The following ASH1L variants were observed in gnomAD, a reference collection of about 807,000 sequenced individuals.
ASH1L encodes histone-lysine N-methyltransferase ASH1L.
A neutral mutation model predicts 269.0 loss-of-function variants in ASH1L; 23 were observed. The observed-to-expected ratio is 0.09, with a 90% CI of 0.06 to 0.12. The LOEUF is 0.12. Among genes scored for constraint, ASH1L ranks in the 10% least tolerant of loss-of-function variants. The pLI, the probability that ASH1L is intolerant of heterozygous loss-of-function variation, is 1.00. For missense variants in ASH1L, 2,912 were observed against 3,567.8 expected, an observed-to-expected ratio of 0.82 and a Z score of 4.68; for synonymous variants, 1,187 against 1,253.5, an observed-to-expected ratio of 0.95 and a Z score of 1.12.
chr1:155,413,991 T>C (rs1185023281), intron 6 of ASH1L, among the ~76,000 whole-genome samples: 1 of 152,178 alleles, frequency 6.6e-6, no homozygotes, highest in African/African-American at 2.4e-5. Flanking sequence ...TTTTGTGATA[T>C]CTACCTCAGT....
intron 4 of ASH1L, among the ~76,000 whole-genome samples, chr1:155,454,658 C>A (rs949847076): frequency 2.0e-5 from 3 of 152,102 alleles, no homozygotes; most frequent in African/African-American, 7.2e-5. Context: ...ATCCCAGCTA[C>A]AAGAGAGGCT....
At chr1:155,341,706 G>T (rs1043992591) in intron 25 of ASH1L, among the ~76,000 whole-genome samples, 18 of 152,092 alleles carry the variant, frequency 1.2e-4, no homozygotes, top group Non-Finnish European at 2.2e-4. Context: ...ACAGACGAAA[G>T]AGAAAAGAGG....
intron 17 of ASH1L, among the ~76,000 whole-genome samples, chr1:155,351,955 G>A (rs1373778705): frequency 6.6e-6 from 1 of 151,964 alleles, no homozygotes; most frequent in Admixed American, 6.6e-5. Context: ...ATTTAGTACT[G>A]TACTGTGAAT....
rs775667910 is a variant in ASH1L at position 155,480,433 on chromosome 1, T to A, written c.2437A>T (p.Met813Leu). The change falls in exon 3 of 28, where the codon ATG (methionine) becomes TTG (leucine). Residue 813 changes from methionine to leucine, a missense_variant. Met to Leu is a conservative substitution (Grantham distance 15). Around this residue, in one of 13 missense-constraint regions of ASH1L, gnomAD observed 715 missense variants for 721.0 expected, o/e 0.99. Coordinates refer to ENST00000392403, the MANE Select transcript of ASH1L (RefSeq NM_018489.3). ...GACAAAAGGTCACTAGAGACACACATACTGGAGGATAGTTTGTGAGTAGCA... is the reference window on the plus strand; with the variant it reads ...GACAAAAGGTCACTAGAGACACACAAACTGGAGGATAGTTTGTGAGTAGCA... ...SFATHKLSSSMCVSSDLLSDI... is the reference protein window; with the variant it reads ...SFATHKLSSSLCVSSDLLSDI... 7 of 1,614,084 alleles carry A rather than the reference T, an allele frequency of 4.3e-6. No homozygotes were observed. The highest frequency in any genetic ancestry group is 5.9e-6 in the Non-Finnish European group (7 of 1,179,950).
At chr1:155,490,861 G>T (rs1019104381) in intron 2 of ASH1L, among the ~76,000 whole-genome samples, 1 of 151,464 alleles carries the variant, frequency 6.6e-6, no homozygotes. Context: ...TACATGGGAG[G>T]CTGAAGTGGA....
chr1:155,548,691 G>A (rs1488337136), intron 1 of ASH1L, among the ~76,000 whole-genome samples: 1 of 152,118 alleles, frequency 6.6e-6, no homozygotes, highest in Non-Finnish European at 1.5e-5. Context: ...ATTTCTCCCA[G>A]TATCAAAAAT....
intron 1 of ASH1L, among the ~76,000 whole-genome samples, chr1:155,543,869 G>A (rs1384037486): frequency 1.3e-5 from 2 of 152,092 alleles, no homozygotes; most frequent in Non-Finnish European, 2.9e-5. Context: ...GGGAGGTTGA[G>A]GCTGAGGCTG....
At chr1:155,529,351 CTTT>C (rs35984917) in intron 1 of ASH1L, among the ~76,000 whole-genome samples, 56 of 134,002 alleles carry the variant, frequency 4.2e-4, no homozygotes, top group Non-Finnish European at 5.0e-4. Context: ...TTGCCAGCAT[CTTT>C]TTTTTTTTTT....
chr1:155,399,872 G>C (rs1658685187), intron 6 of ASH1L, among the ~76,000 whole-genome samples: 1 of 152,060 alleles, frequency 6.6e-6, no homozygotes, highest in African/African-American at 2.4e-5. Flanking sequence ...GAAAAGTGTA[G>C]GATGGAGGAA....
In ASH1L at chr1:155,482,180, G is replaced by C; in HGVS notation, c.690C>G (p.Ser230=). The C allele has an allele frequency of 6.2e-7, 1 of 1,614,134 alleles. No homozygotes were observed. Among genetic ancestry groups the C allele is most frequent in the Non-Finnish European group, 8.5e-7 (1 of 1,180,010 alleles). ...LAQLIATCPP[S]KSSKTKPKKL... ...TCTTCGGTTTTGTCTTGGAAGACTT[G>C]GAAGGAGGACAGGTAGCAATCAGCT... Residue 230 remains serine, a synonymous_variant, in exon 3 of 28, where the codon TCC becomes TCG. Coordinates refer to ENST00000392403, the MANE Select transcript of ASH1L (RefSeq NM_018489.3).
intron 3 of ASH1L, among the ~76,000 whole-genome samples, chr1:155,465,312 A>C (rs965312936): frequency 1.4e-5 from 2 of 146,282 alleles, no homozygotes; most frequent in Admixed American, 6.8e-5. Context: ...AAAAAAAAAA[A>C]CAGTGAATTA....
At chr1:155,449,543 A>G (rs556533162) in intron 4 of ASH1L, among the ~76,000 whole-genome samples, 48 of 149,192 alleles carry the variant, frequency 3.2e-4, no homozygotes, top group African/African-American at 7.4e-4. Flanking sequence ...TTTTTGAGAC[A>G]GAGTCTCGCT....
chr1:155,442,604 T>TA (rs1662687972), intron 4 of ASH1L, among the ~76,000 whole-genome samples: 1 of 124,510 alleles, frequency 8.0e-6, no homozygotes, highest in Non-Finnish European at 1.8e-5. Context: ...AAAAAAAAAA[T>TA]CAAAAAAAAA....
At chr1:155,539,881 C>T (rs1002575748) in intron 1 of ASH1L, among the ~76,000 whole-genome samples, 2 of 151,900 alleles carry the variant, frequency 1.3e-5, no homozygotes, top group Middle Eastern at 3.4e-3. Flanking sequence ...CACAGCAAGA[C>T]CTCATCTCCA....
intron 1 of ASH1L, among the ~76,000 whole-genome samples, chr1:155,540,283 C>G (rs1670338985): frequency 6.6e-6 from 1 of 152,118 alleles, no homozygotes; most frequent in Non-Finnish European, 1.5e-5. Flanking sequence ...TACTCACGGC[C>G]TCAGTTCTCT....
chr1:155,411,592 T>TATATATAA (rs1258229702), intron 6 of ASH1L, among the ~76,000 whole-genome samples: 4 of 39,640 alleles, frequency 1.0e-4, no homozygotes, highest in East Asian at 1.1e-3. Flanking sequence ...AATAAATATA[T>TATATATAA]ATATATATAT....
At chr1:155,505,631 TTAA>T (rs1378837519) in intron 2 of ASH1L, among the ~76,000 whole-genome samples, 1 of 152,200 alleles carries the variant, frequency 6.6e-6, no homozygotes, top group Non-Finnish European at 1.5e-5. Context: ...TTTAAAATTA[TTAA>T]TAATGGTTTC....
intron 2 of ASH1L, among the ~76,000 whole-genome samples, chr1:155,489,343 G>A (rs1176907293): frequency 1.3e-5 from 2 of 151,798 alleles, no homozygotes; most frequent in Non-Finnish European, 2.9e-5. Flanking sequence ...GTGTGGTGGT[G>A]CGCACCTGTA....
intron 7 of ASH1L, 36 bp from the exon 8 acceptor site, chr1:155,380,152 T>C: frequency 1.3e-6 from 2 of 1,516,068 alleles, no homozygotes. Context: ...CAATACCTTT[T>C]CTAATATTTG....
Sources: gnomAD v4.1 joint callset for allele counts (sites outside exome capture counted in the v4.1 genomes callset) on GRCh38, gnomAD v4.1.1 for gene constraint, gnomAD v4.1.1 regional missense constraint, MANE v1.5 for transcripts, NCBI Gene and HGNC (gene_info 2026-07-23, HGNC 2026-07-21) for gene names.